INPP5F: variants seen among roughly 807,000 people sequenced by gnomAD.
The protein encoded by INPP5F is inositol polyphosphate-5-phosphatase F.
A neutral mutation model predicts 137.2 loss-of-function variants in INPP5F; 97 were observed. That is an observed-to-expected ratio of 0.71 (90% CI 0.60 to 0.84). INPP5F has a LOEUF of 0.84. Ranked by LOEUF, INPP5F falls within the 40% of genes least tolerant of loss-of-function variation. The pLI, the probability that INPP5F is intolerant of heterozygous loss-of-function variation, is 0.00. For missense variants in INPP5F, 1,271 were observed against 1,371.9 expected (o/e 0.93, Z 1.16); for synonymous variants, 504 against 476.9 (o/e 1.06, Z -0.74).
intron 2 of INPP5F, among the ~76,000 whole-genome samples, chr10:119,757,224 G>A (rs538887106): frequency 6.6e-6 from 1 of 151,996 alleles, no homozygotes; most frequent in South Asian, 2.1e-4. Context: ...ACAGGCATGC[G>A]TCACCATGCC....
intron 2 of INPP5F, among the ~76,000 whole-genome samples, chr10:119,763,368 C>T (rs1849061867): frequency 6.6e-6 from 1 of 152,198 alleles, no homozygotes; most frequent in African/African-American, 2.4e-5. Context: ...GACCATCTTG[C>T]CTGTTGAATA....
intron 7 of INPP5F, 146 bp from the exon 8 acceptor site, chr10:119,797,315 G>T: frequency 1.5e-6 from 1 of 649,398 alleles, no homozygotes; most frequent in Non-Finnish European, 2.6e-6. Context: ...ACGATTTTGG[G>T]TAAGTTGATA....
intron 1 of INPP5F, among the ~76,000 whole-genome samples, chr10:119,749,779 T>C (rs532181442): frequency 6.6e-6 from 1 of 152,232 alleles, no homozygotes; most frequent in Non-Finnish European, 1.5e-5. Flanking sequence ...ATTTCTTATT[T>C]TGCTTTAATT....
chr10:119,794,552 G>T (rs1350881972), intron 6 of INPP5F, among the ~76,000 whole-genome samples: 1 of 151,708 alleles, frequency 6.6e-6, no homozygotes, highest in South Asian at 2.1e-4. Context: ...CCCAGACGGG[G>T]TGGTGGCCGG....
intron 2 of INPP5F, among the ~76,000 whole-genome samples, chr10:119,777,422 A>G (rs1269939953): frequency 6.6e-6 from 1 of 152,184 alleles, no homozygotes; most frequent in Non-Finnish European, 1.5e-5. Flanking sequence ...GCCACTTGGG[A>G]GGCTGAGACA....
At chr10:119,820,668 A>G (rs1409400027) in intron 15 of INPP5F, among the ~76,000 whole-genome samples, 178 bp from the exon 16 acceptor site, 1 of 152,132 alleles carries the variant, frequency 6.6e-6, no homozygotes, top group African/African-American at 2.4e-5. Flanking sequence ...TTTTTTAAAG[A>G]CTGTCCAAAT....
Position 119,796,835 on chromosome 10 carries a change from C to T in INPP5F, c.790C>T (p.Gln264Ter). The T allele has an allele frequency of 6.2e-7, 1 of 1,613,802 alleles. No homozygotes were observed. The stretch of plus-strand genomic sequence containing the variant: ...GAAAAGCAGCCCAGAGACCCCCCCT[C>T]AGGAGTCCACCTGTGTAGATGATAT... The part of the protein sequence containing the change: ...DEKSSPETPP[Q>*]ESTCVDDIHP... Residue 264 changes from glutamine to a stop codon, truncating the protein, a stop_gained, in exon 7 of 20, where the codon CAG becomes TAG. Transcript: ENST00000650623. LOFTEE classifies it high-confidence loss of function.
Position 119,826,703 on chromosome 10 carries a change from G to T in INPP5F, c.2322G>T (p.Lys774Asn), listed in dbSNP as rs371493074. 1.6e-5 allele frequency: 25 copies of T among 1,612,494 alleles called. No individual in the cohort carries two copies. In the African/African-American group the frequency reaches 1.6e-4, roughly 10 times the overall value. Residue 774 changes from lysine (K) to asparagine (N), a missense_variant, in exon 20 of 20, where the codon AAG becomes AAT. Physicochemically the swap from Lys to Asn is moderately conservative, Grantham distance 94. Around this residue, in one of 6 missense-constraint regions of INPP5F, gnomAD observed 490 missense variants for 443.7 expected, o/e 1.10. Coordinates refer to ENST00000650623, the MANE Select transcript of INPP5F (RefSeq NM_014937.4). ...ACCAAGGTTCTTTGGCCCAGGGAAA[G>T]AATTTTTTAATGAGCAAATTTTCAT... Reference protein sequence around the residue: ...SQNQGSLAQGKNFLMSKFSSL... With the variant: ...SQNQGSLAQGNNFLMSKFSSL...
intron 15 of INPP5F, 107 bp downstream of exon 15, chr10:119,812,062 C>T (rs576254099): frequency 1.4e-5 from 12 of 835,672 alleles, no homozygotes; most frequent in Admixed American, 2.3e-5. Context: ...GGATGCATGG[C>T]GCGTGACTAT....
intron 1 of INPP5F, among the ~76,000 whole-genome samples, chr10:119,739,416 A>C (rs951955773): frequency 6.6e-6 from 1 of 152,150 alleles, no homozygotes; most frequent in Admixed American, 6.5e-5. Flanking sequence ...AACAATAAAA[A>C]CTTTAGATGG....
rs137971426 is a variant in INPP5F at position 119,785,992 on chromosome 10, A to G, written c.315+4221A>G. Among the ~76,000 whole-genome samples, 397 of 152,320 alleles carry G rather than the reference A, an allele frequency of 2.6e-3. 1 individual carries two copies. Among genetic ancestry groups the G allele is most frequent in the African/African-American group, 8.7e-3 (361 of 41,572 alleles). Reference sequence around the variant, plus strand: ...ATATAGGCTTATGTTCCATGTCTGCATATCTTATTTGCGTATCTCATTGCC... The same window carrying G: ...ATATAGGCTTATGTTCCATGTCTGCGTATCTTATTTGCGTATCTCATTGCC... On this transcript the variant is annotated intron_variant, in intron 3 of 19. Coordinates refer to ENST00000650623, the MANE Select transcript of INPP5F (RefSeq NM_014937.4).
intron 9 of INPP5F, 35 bp downstream of exon 9, chr10:119,798,645 C>T (rs1292442436): frequency 2.8e-6 from 4 of 1,412,332 alleles, no homozygotes; most frequent in African/African-American, 1.4e-5. Flanking sequence ...AATGTTCCTT[C>T]ATCTTTAGAA....
intron 1 of INPP5F, among the ~76,000 whole-genome samples, chr10:119,735,566 T>C (rs1848193711): frequency 6.6e-6 from 1 of 152,252 alleles, no homozygotes; most frequent in African/African-American, 2.4e-5. Context: ...TATCATTATA[T>C]ATTGTTTTTA....
intron 6 of INPP5F, among the ~76,000 whole-genome samples, chr10:119,794,170 C>G (rs574599000): frequency 1.3e-5 from 2 of 152,022 alleles, no homozygotes; most frequent in African/African-American, 4.8e-5. Flanking sequence ...CTGCGGCCTT[C>G]CGCAGTGTTT....
chr10:119,735,452 G>A (rs896948493), intron 1 of INPP5F, among the ~76,000 whole-genome samples: 1 of 152,142 alleles, frequency 6.6e-6, no homozygotes, highest in African/African-American at 2.4e-5. Flanking sequence ...ATGTCAATAT[G>A]TACGATTTGA....
chr10:119,759,529 T>A (rs1848947877), intron 2 of INPP5F, among the ~76,000 whole-genome samples: 1 of 151,998 alleles, frequency 6.6e-6, no homozygotes, highest in African/African-American at 2.4e-5. Context: ...CTAATTTTTT[T>A]ATTTTTAGTA....
chr10:119,798,493 A>G (rs1850465758), intron 8 of INPP5F, 50 bp from the exon 9 acceptor site: 1 of 1,278,944 alleles, frequency 7.8e-7, no homozygotes, highest in East Asian at 2.3e-5. Context: ...AGACACTAAT[A>G]TGTCTTAAAC....
intron 2 of INPP5F, among the ~76,000 whole-genome samples, chr10:119,762,047 GCTCT>G (rs1316812851): frequency 6.6e-6 from 1 of 152,084 alleles, no homozygotes; most frequent in Non-Finnish European, 1.5e-5. Context: ...TGAAAAGTTG[GCTCT>G]CTGTTTATGT....
At chr10:119,779,637 C>CT (rs1431514373) in intron 2 of INPP5F, among the ~76,000 whole-genome samples, 3 of 151,986 alleles carry the variant, frequency 2.0e-5, no homozygotes, top group Non-Finnish European at 2.9e-5. Flanking sequence ...CCAGGCTGGT[C>CT]TTGAAGTCCT....
Sources: gnomAD v4.1 joint callset for allele counts (sites outside exome capture counted in the v4.1 genomes callset) on GRCh38, gnomAD v4.1.1 for gene constraint, gnomAD v4.1.1 regional missense constraint, MANE v1.5 for transcripts, NCBI Gene and HGNC (gene_info 2026-07-23, HGNC 2026-07-21) for gene names.